Variants in PTCHD4 observed in about 807,000 individuals in gnomAD.
PTCHD4 encodes patched domain-containing protein 4.
A neutral mutation model predicts 58.1 loss-of-function variants in PTCHD4; 33 were observed. That is an observed-to-expected ratio of 0.57 (90% CI 0.43 to 0.76). The LOEUF (loss-of-function observed/expected upper bound fraction) is 0.76, where lower values mean the gene tolerates loss of function less well. PTCHD4 is among the 30% of genes least tolerant of loss of function. The probability of loss-of-function intolerance (pLI) is 0.00; values close to 1 mark genes in which losing one functional copy is unlikely to be tolerated. For missense variants in PTCHD4, 1,058 were observed against 1,027.1 expected, an observed-to-expected ratio of 1.03 and a Z score of -0.41; for synonymous variants, 478 against 409.6, an observed-to-expected ratio of 1.17 and a Z score of -2.02.
chr6:48,098,409 G>A (rs1371367750), intron 1 of PTCHD4, among the ~76,000 whole-genome samples: 3 of 148,502 alleles, frequency 2.0e-5, no homozygotes, highest in African/African-American at 7.5e-5. Context: ...CAGGATCTCC[G>A]CTCGCTGCAA....
intron 4 of PTCHD4, among the ~76,000 whole-genome samples, chr6:47,959,448 G>A (rs1185257166): frequency 6.6e-6 from 1 of 152,174 alleles, no homozygotes; most frequent in Non-Finnish European, 1.5e-5. Context: ...ACTTCAAGCA[G>A]TCTAATATAT....
At chr6:48,043,539 A>G (rs182204897) in intron 3 of PTCHD4, among the ~76,000 whole-genome samples, 2 of 151,888 alleles carry the variant, frequency 1.3e-5, no homozygotes, top group African/African-American at 4.8e-5. Context: ...CCTTTCTGCA[A>G]ATTTCTTTAT....
intron 3 of PTCHD4, among the ~76,000 whole-genome samples, chr6:48,016,898 G>A (rs1397460437): frequency 6.6e-6 from 1 of 151,804 alleles, no homozygotes; most frequent in Non-Finnish European, 1.5e-5. Context: ...CTATGTACTA[G>A]GTTGGCATTC....
chr6:47,931,244 A>G lies in PTCHD4; in HGVS notation c.899-51308T>C, dbSNP rs79297569. On this transcript the variant is annotated intron_variant, in intron 4 of 4. Coordinates refer to ENST00000339488, the MANE Select transcript of PTCHD4 (RefSeq NM_001384253.1). ...AGGAGGGGGCTGCAGCCATGTCTAAAATGATCACCAGTCTTACTCTAGTCC... is the reference window on the plus strand; with the variant it reads ...AGGAGGGGGCTGCAGCCATGTCTAAGATGATCACCAGTCTTACTCTAGTCC... Among the ~76,000 whole-genome samples, 787 of 152,318 alleles carry G rather than the reference A, an allele frequency of 5.2e-3. 7 individuals carry two copies. Among genetic ancestry groups the G allele is most frequent in the African/African-American group, 0.017 (726 of 41,572 alleles).
chr6:47,967,227 C>A (rs1417455498), intron 4 of PTCHD4, among the ~76,000 whole-genome samples: 2 of 152,156 alleles, frequency 1.3e-5, no homozygotes, highest in Admixed American at 1.3e-4. Flanking sequence ...TCCATTAGAG[C>A]TCTTGGGTAA....
chr6:47,969,162 A>G (rs1004057460), intron 4 of PTCHD4, among the ~76,000 whole-genome samples: 1 of 152,204 alleles, frequency 6.6e-6, no homozygotes, highest in Non-Finnish European at 1.5e-5. Flanking sequence ...TGTAGACAAA[A>G]TTTTTAAAAA....
chr6:48,032,242 T>C (rs2114134792), intron 3 of PTCHD4, among the ~76,000 whole-genome samples: 2 of 152,282 alleles, frequency 1.3e-5, no homozygotes, highest in South Asian at 4.1e-4. Context: ...AAATTTCCTG[T>C]TTCGTAGCCA....
At chr6:48,074,204 T>C (rs894848381) in intron 1 of PTCHD4, among the ~76,000 whole-genome samples, 4 of 152,128 alleles carry the variant, frequency 2.6e-5, no homozygotes, top group South Asian at 2.1e-4. Flanking sequence ...TTTTGGTCTT[T>C]AGCATTTTGG....
intron 4 of PTCHD4, among the ~76,000 whole-genome samples, chr6:47,980,717 A>T (rs1032446604): frequency 6.6e-6 from 1 of 152,030 alleles, no homozygotes; most frequent in Non-Finnish European, 1.5e-5. Flanking sequence ...ATTAAAAGTT[A>T]TGAAAAATTA....
At chr6:48,028,422 C>T (rs945114532) in intron 3 of PTCHD4, among the ~76,000 whole-genome samples, 4 of 151,876 alleles carry the variant, frequency 2.6e-5, no homozygotes, top group Non-Finnish European at 4.4e-5. Flanking sequence ...CATAGAAGGT[C>T]TGTGGAAAAG....
chr6:47,952,835 T>C (rs1766705016), intron 4 of PTCHD4, among the ~76,000 whole-genome samples: 1 of 152,044 alleles, frequency 6.6e-6, no homozygotes, highest in South Asian at 2.1e-4. Context: ...ATGATGCATT[T>C]CTCAGAACAT....
chr6:48,105,118 GA>G (rs1765691332), intron 1 of PTCHD4, among the ~76,000 whole-genome samples: 1 of 152,120 alleles, frequency 6.6e-6, no homozygotes, highest in Non-Finnish European at 1.5e-5. Flanking sequence ...GACATCTACA[GA>G]ACTCTCCACC....
chr6:48,024,917 A>T lies in PTCHD4; in HGVS notation c.418-15803T>A, dbSNP rs902860900. 2.6e-5 allele frequency among the ~76,000 whole-genome samples: 4 copies of T among 152,118 alleles called. No homozygotes were observed. The East Asian group carries it at 7.7e-4, about 29-fold the overall frequency. On this transcript the variant is annotated intron_variant, in intron 3 of 4. Transcript: ENST00000339488. ...ACCTATCTTTAAATTTCATACATAA[A>T]ATGGTAGTATGCAAAAGCCAGATGA...
intron 3 of PTCHD4, among the ~76,000 whole-genome samples, chr6:48,024,132 G>T (rs926095826): frequency 1.3e-5 from 2 of 152,084 alleles, no homozygotes; most frequent in African/African-American, 4.8e-5. Context: ...ATGAGAGATA[G>T]CACCCTGTCT....
chr6:48,085,752 T>C (rs1765251424), intron 1 of PTCHD4, among the ~76,000 whole-genome samples: 1 of 152,192 alleles, frequency 6.6e-6, no homozygotes, highest in Admixed American at 6.5e-5. Context: ...TTGTATTTCA[T>C]TTTTTGAAGA....
intron 3 of PTCHD4, among the ~76,000 whole-genome samples, chr6:48,027,588 G>C (rs755090427): frequency 8.6e-5 from 13 of 151,964 alleles, no homozygotes; most frequent in Admixed American, 7.2e-4. Context: ...TATAAATCTA[G>C]ATCATTTCTA....
At chr6:48,012,098 CT>C (rs1582018706) in intron 3 of PTCHD4, among the ~76,000 whole-genome samples, 1 of 152,200 alleles carries the variant, frequency 6.6e-6, no homozygotes, top group East Asian at 1.9e-4. Flanking sequence ...TTTTCTCCAA[CT>C]CTGTGAGGAA....
At chr6:48,077,704 G>T (rs1354402758) in intron 1 of PTCHD4, among the ~76,000 whole-genome samples, 3 of 152,282 alleles carry the variant, frequency 2.0e-5, no homozygotes, top group South Asian at 4.2e-4. Context: ...GCCATTTAGG[G>T]TTATTAATTG....
intron 4 of PTCHD4, among the ~76,000 whole-genome samples, chr6:47,894,269 G>A (rs1316268666): frequency 6.6e-6 from 1 of 152,122 alleles, no homozygotes; most frequent in Non-Finnish European, 1.5e-5. Flanking sequence ...GCTTAGCCTT[G>A]GCCTTATTAC....
Sources: gnomAD v4.1 joint callset for allele counts (sites outside exome capture counted in the v4.1 genomes callset) on GRCh38, gnomAD v4.1.1 for gene constraint, MANE v1.5 for transcripts, NCBI Gene and HGNC (gene_info 2026-07-23, HGNC 2026-07-21) for gene names.